Variants in GCNT1 observed in about 807,000 individuals in gnomAD.
GCNT1 encodes glucosaminyl (N-acetyl) transferase 1, also known as beta-1,3-galactosyl-O-glycosyl-glycoprotein beta-1,6-N-acetylglucosaminyltransferase.
In GCNT1, 16 loss-of-function variants were observed where a neutral mutation model predicts 26.2. The observed-to-expected ratio is 0.61, with a 90% CI of 0.41 to 0.93. GCNT1 has a LOEUF of 0.93. Ranked by LOEUF, GCNT1 falls within the 40% of genes least tolerant of loss-of-function variation. GCNT1 has a pLI of 0.00. For missense variants in GCNT1, 477 were observed against 526.7 expected, an observed-to-expected ratio of 0.91 and a Z score of 0.92; for synonymous variants, 183 against 190.8, an observed-to-expected ratio of 0.96 and a Z score of 0.34.
chr9:76,401,084 T>C, the GCNT1 span, among the ~76,000 whole-genome samples: 6 of 152,348 alleles, frequency 3.9e-5, no homozygotes, highest in South Asian at 4.1e-4. Context: ...TTGGCTGTTA[T>C]GATGATGATT....
chr9:76,481,837 A>G (rs1355195243), intron 2 of GCNT1, among the ~76,000 whole-genome samples: 1 of 152,184 alleles, frequency 6.6e-6, no homozygotes, highest in Non-Finnish European at 1.5e-5. Context: ...AAGCAGTAGC[A>G]GAGGATCAGC....
the GCNT1 span, among the ~76,000 whole-genome samples, chr9:76,397,444 ATTTT>A: frequency 1.4e-5 from 2 of 138,396 alleles, no homozygotes; most frequent in African/African-American, 2.7e-5. Context: ...AGAAGAAAGA[ATTTT>A]TTTTTTTTTT....
chr9:76,459,837 T>C (rs1823833320), intron 1 of GCNT1, among the ~76,000 whole-genome samples: 1 of 152,176 alleles, frequency 6.6e-6, no homozygotes, highest in South Asian at 2.1e-4. Flanking sequence ...CCGAAGCCTC[T>C]CCTTTCCTGC....
chr9:76,462,938 G>A (rs1365786918), intron 2 of GCNT1, among the ~76,000 whole-genome samples: 1 of 151,980 alleles, frequency 6.6e-6, no homozygotes, highest in South Asian at 2.1e-4. Flanking sequence ...GGAATTCTAC[G>A]GTAGTTTTAA....
chr9:76,420,180 T>C (rs1389832795), intron 1 of GCNT1: 1 of 152,256 alleles, frequency 6.6e-6, no homozygotes, highest in Non-Finnish European at 1.5e-5. Context: ...AGGTCTATTG[T>C]AGGAAGCAAG....
chr9:76,494,073 G>A (rs1271618161), intron 2 of GCNT1, among the ~76,000 whole-genome samples: 3 of 151,670 alleles, frequency 2.0e-5, no homozygotes, highest in Admixed American at 6.6e-5. Flanking sequence ...TTTGTTCCCC[G>A]CCCCCCACCA....
chr9:76,422,182 C>G (rs1823205319), intron 1 of GCNT1, among the ~76,000 whole-genome samples: 1 of 152,236 alleles, frequency 6.6e-6, no homozygotes, highest in African/African-American at 2.4e-5. Context: ...ATACCTCCCA[C>G]CGGGTCCCTC....
At chr9:76,399,756 T>C in the GCNT1 span, among the ~76,000 whole-genome samples, 1 of 152,164 alleles carries the variant, frequency 6.6e-6, no homozygotes, top group Admixed American at 6.6e-5. Context: ...TCTATTTTAT[T>C]TTATTTTTAT....
chr9:76,458,729 G>A (rs769182196), upstream of GCNT1, among the ~76,000 whole-genome samples: 3 of 152,282 alleles, frequency 2.0e-5, no homozygotes, highest in African/African-American at 7.2e-5. Context: ...ACACATGAAT[G>A]TAATGAGTTC....
intron 2 of GCNT1, among the ~76,000 whole-genome samples, chr9:76,480,205 T>C (rs1488108506): frequency 6.6e-6 from 1 of 152,110 alleles, no homozygotes; most frequent in East Asian, 1.9e-4. Context: ...TTCTGTTCCA[T>C]TGGTCTATAT....
chr9:76,443,445 T>G (rs1823512602), intron 1 of GCNT1, among the ~76,000 whole-genome samples: 1 of 152,190 alleles, frequency 6.6e-6, no homozygotes, highest in Non-Finnish European at 1.5e-5. Flanking sequence ...ATTAAAGGAA[T>G]AGGTTGGGCT....
chr9:76,396,832 C>CT, the GCNT1 span, among the ~76,000 whole-genome samples: 3 of 152,208 alleles, frequency 2.0e-5, no homozygotes, highest in Non-Finnish European at 2.9e-5. Context: ...GAGCGAGACT[C>CT]TGTCTCAGCC....
At chr9:76,478,394 C>T (rs973435552) in intron 2 of GCNT1, among the ~76,000 whole-genome samples, 1 of 152,114 alleles carries the variant, frequency 6.6e-6, no homozygotes, top group Non-Finnish European at 1.5e-5. Context: ...CGGCTTCATT[C>T]CTGAGGTCAG....
intron 2 of GCNT1, among the ~76,000 whole-genome samples, chr9:76,482,194 C>T (rs867294757): frequency 1.3e-5 from 2 of 152,096 alleles, no homozygotes; most frequent in Non-Finnish European, 2.9e-5. Flanking sequence ...AATTGCCTCC[C>T]AACAAAGAGT....
chr9:76,461,530 C>T (rs1823870088), intron 2 of GCNT1, among the ~76,000 whole-genome samples: 1 of 151,082 alleles, frequency 6.6e-6, no homozygotes, highest in South Asian at 2.1e-4. Flanking sequence ...TTGCAGTGAG[C>T]CGAGATTGCA....
chr9:76,468,510 T>C (rs1824058220), intron 2 of GCNT1, among the ~76,000 whole-genome samples: 1 of 152,202 alleles, frequency 6.6e-6, no homozygotes, highest in South Asian at 2.1e-4. Context: ...GGTATATATG[T>C]CATGGCATGA....
At chr9:76,399,685 A>T in the GCNT1 span, 1 of 722,972 alleles carries the variant, frequency 1.4e-6, no homozygotes. Flanking sequence ...TTTTTACCCC[A>T]ATCCATTTTT....
intron 1 of GCNT1, among the ~76,000 whole-genome samples, chr9:76,459,789 C>T (rs1194489202): frequency 6.6e-6 from 1 of 152,154 alleles, no homozygotes; most frequent in Non-Finnish European, 1.5e-5. Flanking sequence ...CTGGAGCAAA[C>T]TATTACTAAT....
upstream of GCNT1, among the ~76,000 whole-genome samples, chr9:76,438,618 A>G (rs1465924240): frequency 2.0e-5 from 3 of 151,960 alleles, no homozygotes; most frequent in Admixed American, 6.6e-5. Context: ...TGATTAGGGG[A>G]GCTTAGAATT....
Sources: gnomAD v4.1 joint callset for allele counts (sites outside exome capture counted in the v4.1 genomes callset) on GRCh38, gnomAD v4.1.1 for gene constraint, MANE v1.5 for transcripts, NCBI Gene and HGNC (gene_info 2026-07-23, HGNC 2026-07-21) for gene names.